The following DNAH11 variants were observed in gnomAD, a reference collection of about 807,000 sequenced individuals.
DNAH11 encodes the protein axonemal beta dynein heavy chain 11.
Under a neutral mutation model 526.0 loss-of-function variants are expected in DNAH11, and 442 were observed. The ratio of observed to expected loss-of-function variants is 0.84; its 90% CI spans 0.78 to 0.91. The LOEUF (loss-of-function observed/expected upper bound fraction) is 0.91. Ranked by LOEUF, DNAH11 falls within the 40% of genes least tolerant of loss-of-function variation. The pLI is 0.00. For missense variants in DNAH11, 6,989 were observed against 5,448.7 expected (o/e 1.28, Z -8.90); for synonymous variants, 2,461 against 1,935.9 (o/e 1.27, Z -7.12).
chr7:21,652,946 G>A (rs1033283208), intron 28 of DNAH11, among the ~76,000 whole-genome samples: 7 of 151,838 alleles, frequency 4.6e-5, no homozygotes, highest in South Asian at 4.2e-4. Context: ...GTGCCTTCTC[G>A]GCTCACTGCA....
intron 2 of DNAH11, among the ~76,000 whole-genome samples, chr7:21,553,564 T>G (rs541268071): frequency 6.6e-6 from 1 of 152,232 alleles, no homozygotes; most frequent in South Asian, 2.1e-4. Flanking sequence ...CAGAAGGAAC[T>G]CCCCCCACAG....
At chr7:21,612,554 CAAAAA>C (rs34356379) in intron 20 of DNAH11, among the ~76,000 whole-genome samples, 21,943 of 81,004 alleles carry the variant, frequency 0.27, 2,262 homozygotes, top group East Asian at 0.59. Context: ...GGCTCCGTCT[CAAAAA>C]AAAAAAAAAA....
Position 21,824,517 on chromosome 7 carries a change from T to A in DNAH11, c.10691+6178T>A, listed in dbSNP as rs1324118096. Reference sequence around the variant, plus strand: ...CTAGAATGTGACAGGCATATGAAGATCAAAGATCTGTCCCATTAAAAGATA... The same window carrying A: ...CTAGAATGTGACAGGCATATGAAGAACAAAGATCTGTCCCATTAAAAGATA... On this transcript the variant is annotated intron_variant, in intron 65 of 81. Transcript: ENST00000409508. 2.6e-5 allele frequency among the ~76,000 whole-genome samples: 4 copies of A among 152,138 alleles called. No individual in the cohort carries two copies. The South Asian group carries it at 6.2e-4, about 24-fold the overall frequency.
chr7:21,707,645 C>G lies in DNAH11; in HGVS notation c.6547-54C>G, dbSNP rs1056049990. The G allele has an allele frequency of 1.8e-5, 29 of 1,573,698 alleles. No individual in the cohort carries two copies. The South Asian group carries it at 3.1e-4, about 17-fold the overall frequency. On this transcript the variant is annotated intron_variant, in intron 39 of 81. Transcript: ENST00000409508. ...AAACTCTTCAGAAATCTTTTACTTT[C>G]CATTTGGCTTATGTTAGTATTAATT...
intron 37 of DNAH11, 102 bp downstream of exon 37, chr7:21,702,904 A>C: frequency 9.9e-7 from 1 of 1,005,662 alleles, no homozygotes; most frequent in Non-Finnish European, 1.5e-6. Flanking sequence ...CACAACTTTT[A>C]AAAAGCATAA....
rs568498841 is a variant in DNAH11, at chr7:21,619,233, C to T, written c.4377+11C>T. The T allele has an allele frequency of 2.9e-5, 46 of 1,610,272 alleles. No individual in the cohort carries two copies. The East Asian group carries it at 5.8e-4, about 20-fold the overall frequency. ...CTGGGGACTGAGAAGGTAGTGTCCT[C>T]GGGACTGGGTCATTTCTACTTGGCT... On this transcript the variant is annotated intron_variant, in intron 24 of 81. Transcript: ENST00000409508.
In DNAH11 at chr7:21,880,923, C is replaced by G. The variant is rs758956450; in HGVS notation, c.12387+30C>G. 2.6e-6 allele frequency: 4 copies of G among 1,551,602 alleles called. No homozygotes were observed. In the South Asian group the frequency reaches 5.0e-5, roughly 19 times the overall value. On this transcript the variant is annotated intron_variant, in intron 75 of 81. Transcript: ENST00000409508. ...GTGCTAGTGGTCAAATAACCTCTTC[C>G]AAGGAGTTTACAAAGCTGTCAGTCT... is the stretch of plus-strand genomic sequence containing the variant.
At chr7:21,550,554 T>G (rs1782983642) in intron 2 of DNAH11, among the ~76,000 whole-genome samples, 1 of 146,140 alleles carries the variant, frequency 6.8e-6, no homozygotes, top group Non-Finnish European at 1.5e-5. Context: ...GACATTTGGT[T>G]CAAGGCATTT....
intron 35 of DNAH11, among the ~76,000 whole-genome samples, chr7:21,697,303 A>C (rs1285527454): frequency 6.6e-6 from 1 of 151,836 alleles, no homozygotes; most frequent in Non-Finnish European, 1.5e-5. Flanking sequence ...AAGAAAGGGG[A>C]TTTGAAGCTA....
At chr7:21,626,448 G>T (rs1786338032) in intron 25 of DNAH11, among the ~76,000 whole-genome samples, 1 of 152,084 alleles carries the variant, frequency 6.6e-6, no homozygotes, top group African/African-American at 2.4e-5. Context: ...TCAACATACT[G>T]ATTTTCTTTC....
At chr7:21,739,474 G>A (rs1785774580) in intron 47 of DNAH11, 97 bp from the exon 48 acceptor site, 1 of 815,202 alleles carries the variant, frequency 1.2e-6, no homozygotes, top group South Asian at 1.7e-5. Flanking sequence ...ATGAAGATAA[G>A]GAGGTAATCT....
At chr7:21,733,499 A>G (rs1785474807) in intron 45 of DNAH11, among the ~76,000 whole-genome samples, 1 of 152,228 alleles carries the variant, frequency 6.6e-6, no homozygotes, top group African/African-American at 2.4e-5. Flanking sequence ...GAATTCAGCT[A>G]CCTACAAGTA....
At chr7:21,566,692 C>T (rs1232895533) in intron 6 of DNAH11, among the ~76,000 whole-genome samples, 1 of 151,608 alleles carries the variant, frequency 6.6e-6, no homozygotes, top group African/African-American at 2.4e-5. Flanking sequence ...TTATACCATG[C>T]TCCATATTTT....
chr7:21,677,611 C>T (rs1782948998), intron 30 of DNAH11, among the ~76,000 whole-genome samples: 1 of 152,194 alleles, frequency 6.6e-6, no homozygotes. Context: ...TCTTTAACTC[C>T]TGACCTCAAG....
chr7:21,726,109 A>C, intron 45 of DNAH11, 125 bp downstream of exon 45: 2 of 997,684 alleles, frequency 2.0e-6, no homozygotes, highest in Non-Finnish European at 2.8e-6. Context: ...GCTGCCCAGG[A>C]AGCATGATGC....
intron 35 of DNAH11, among the ~76,000 whole-genome samples, chr7:21,697,706 G>A (rs903779438): frequency 3.9e-5 from 6 of 152,124 alleles, no homozygotes; most frequent in African/African-American, 9.7e-5. Context: ...CTAGACAGCC[G>A]GTTGTGAAAA....
At chr7:21,628,114 A>G (rs1786434192) in intron 25 of DNAH11, among the ~76,000 whole-genome samples, 2 of 151,850 alleles carry the variant, frequency 1.3e-5, no homozygotes, top group Admixed American at 6.6e-5. Flanking sequence ...ATATAAATGC[A>G]ACTGTTTTTT....
At position 21,735,670 on chromosome 7, in the gene DNAH11, C is replaced by G; in HGVS notation, c.7471C>G (p.Arg2491Gly). 6.2e-7 allele frequency: 1 copy of G among 1,605,500 alleles called. No homozygotes were observed. The highest frequency in any genetic ancestry group is 8.5e-7 in the Non-Finnish European group (1 of 1,175,272). The change falls in exon 46 of 82, where the codon CGT becomes GGT. Residue 2491 changes from arginine (R) to glycine (G), a missense_variant. Physicochemically the swap from Arg to Gly is moderately radical, Grantham distance 125 (BLOSUM62 -2). Coordinates refer to ENST00000409508, the MANE Select transcript of DNAH11 (RefSeq NM_001277115.2). ...TVLVHTTETA[R>G]LRYFMELLLE... ...TCTCGTTCACACAACAGAGACAGCT[C>G]GTCTTAGATATTTCATGGAGTTGTT...
intron 2 of DNAH11, 80 bp downstream of exon 2, chr7:21,545,229 A>T: frequency 8.0e-7 from 1 of 1,244,904 alleles, no homozygotes; most frequent in African/African-American, 1.6e-5. Context: ...TCCGATAATT[A>T]AAAAAAGAAG....
Sources: allele counts gnomAD v4.1 joint callset (sites outside exome capture counted in the v4.1 genomes callset), GRCh38; gene constraint gnomAD v4.1.1; transcripts MANE v1.5; gene names NCBI Gene and HGNC (gene_info 2026-07-23, HGNC 2026-07-21).